Variants in SULF1 observed in about 807,000 individuals in gnomAD.
SULF1 encodes the protein sulfatase 1.
A neutral mutation model predicts 110.5 loss-of-function variants in SULF1; 46 were observed. The observed-to-expected ratio is 0.42, with a 90% CI of 0.33 to 0.53. The LOEUF is 0.53. Among genes scored for constraint, SULF1 ranks in the 20% least tolerant of loss-of-function variants. SULF1 has a pLI of 0.12. For synonymous variants in SULF1, 371 were observed against 387.1 expected, an observed-to-expected ratio of 0.96 and a Z score of 0.49; for missense variants, 941 against 1,094.2, an observed-to-expected ratio of 0.86 and a Z score of 1.98.
intron 3 of SULF1, among the ~76,000 whole-genome samples, chr8:69,534,688 CA>C (rs879767274): frequency 6.6e-6 from 1 of 152,028 alleles, no homozygotes; most frequent in African/African-American, 2.4e-5. Context: ...TTTATTCCAC[CA>C]CTTTTTTTGA....
intron 19 of SULF1, among the ~76,000 whole-genome samples, chr8:69,636,158 C>A (rs904099798): frequency 6.6e-6 from 1 of 152,152 alleles, no homozygotes. Context: ...GGCTCAAACA[C>A]ATCTTTCTCA....
chr8:69,592,982 G>A (rs974189314), intron 8 of SULF1: 1 of 986,982 alleles, frequency 1.0e-6, no homozygotes, highest in African/African-American at 1.7e-5. Flanking sequence ...TATGTGCTAT[G>A]GGTAAGTGCC....
chr8:69,642,020 C>T (rs187131987), intron 22 of SULF1, among the ~76,000 whole-genome samples: 265 of 152,242 alleles, frequency 1.7e-3, no homozygotes, highest in African/African-American at 6.3e-3. Context: ...GTCCTTACCG[C>T]CTCTGCTGAG....
At chr8:69,470,775 G>A (rs950141836) in intron 1 of SULF1, among the ~76,000 whole-genome samples, 1 of 152,098 alleles carries the variant, frequency 6.6e-6, no homozygotes, top group African/African-American at 2.4e-5. Flanking sequence ...CTAATGTGCT[G>A]GCCTTCTATT....
At chr8:69,480,101 A>C (rs1809455674) in intron 1 of SULF1, among the ~76,000 whole-genome samples, 1 of 152,194 alleles carries the variant, frequency 6.6e-6, no homozygotes. Context: ...GCAAACATGC[A>C]GCTTTATCAT....
rs1239416948 is a variant in SULF1 at position 69,603,635 on chromosome 8, A to T, written c.1226A>T (p.Asp409Val). The T allele has an allele frequency of 1.9e-6, 3 of 1,613,562 alleles. No individual in the cohort carries two copies. Among genetic ancestry groups the T allele is most frequent in the Non-Finnish European group, 1.7e-6 (2 of 1,179,440 alleles). Residue 409 changes from aspartate to valine, a missense_variant, in exon 12 of 23, where the codon GAT (aspartate) becomes GTT (valine). Transcript: ENST00000402687. The part of the protein sequence containing the change: ...RTNKKAKIWR[D>V]TFLVERGKFL... ...AACAAGAAGGCCAAAATTTGGCGTGATACATTCCTAGTGGAAAGAGGGTAA... is the reference window on the plus strand; with the variant it reads ...AACAAGAAGGCCAAAATTTGGCGTGTTACATTCCTAGTGGAAAGAGGGTAA...
Position 69,480,169 on chromosome 8 carries a change from C to T in SULF1, c.-391+13219C>T, listed in dbSNP as rs143550248. On this transcript the variant is annotated intron_variant, in intron 1 of 22. Coordinates refer to the SULF1 transcript ENST00000260128. ...ATACACTTAAAGAACACACTATCCA[C>T]TGTTGATGATGACAATATTAACCAT... Among the ~76,000 whole-genome samples the T allele has an allele frequency of 4.8e-3, 734 of 152,316 alleles. 6 individuals are homozygous for T. The highest frequency in any genetic ancestry group is 0.016 in the African/African-American group (672 of 41,562).
At chr8:69,546,586 A>G (rs1167108660) in intron 3 of SULF1, among the ~76,000 whole-genome samples, 1 of 152,240 alleles carries the variant, frequency 6.6e-6, no homozygotes, top group African/African-American at 2.4e-5. Flanking sequence ...TAATCAATCT[A>G]ACTTCCTAAT....
chr8:69,653,948 C>G (rs1812535944), intron 22 of SULF1, among the ~76,000 whole-genome samples: 1 of 152,192 alleles, frequency 6.6e-6, no homozygotes, highest in African/African-American at 2.4e-5. Flanking sequence ...TGGCACATTC[C>G]TAGAATTGCA....
intron 13 of SULF1, among the ~76,000 whole-genome samples, chr8:69,609,374 TA>T (rs2130457525): frequency 6.6e-6 from 1 of 151,596 alleles, no homozygotes; most frequent in South Asian, 2.1e-4. Context: ...TAACAGAAAA[TA>T]AAAAATAAAC....
At position 69,645,821 on chromosome 8, in the gene SULF1, G is replaced by A. The variant is rs140907169; in HGVS notation, c.2585+4980G>A. Among the ~76,000 whole-genome samples the A allele has an allele frequency of 6.2e-3, 937 of 152,292 alleles. 7 individuals are homozygous for A. The highest frequency in any genetic ancestry group is 0.021 in the African/African-American group (885 of 41,558). ...TATTTTATGGAGTGTGTTATATGGAGAATGATGATATGATGTATCTTCCAA... is the reference window on the plus strand; with the variant it reads ...TATTTTATGGAGTGTGTTATATGGAAAATGATGATATGATGTATCTTCCAA... On this transcript the variant is annotated intron_variant, in intron 22 of 22. Coordinates refer to ENST00000402687, the MANE Select transcript of SULF1 (RefSeq NM_001128205.2).
chr8:69,640,601 T>C (rs1438822452), intron 21 of SULF1, among the ~76,000 whole-genome samples: 1 of 152,204 alleles, frequency 6.6e-6, no homozygotes, highest in African/African-American at 2.4e-5. Context: ...ACTCTTATTT[T>C]TTTTTTTATC....
chr8:69,514,920 C>T (rs568173069), intron 3 of SULF1, among the ~76,000 whole-genome samples: 26 of 152,296 alleles, frequency 1.7e-4, no homozygotes, highest in African/African-American at 6.0e-4. Flanking sequence ...GCAGTGGGCT[C>T]CCAAGGCTTT....
At chr8:69,496,479 A>T (rs2150563387) in intron 2 of SULF1, among the ~76,000 whole-genome samples, 1 of 152,370 alleles carries the variant, frequency 6.6e-6, no homozygotes, top group East Asian at 1.9e-4. Context: ...CCATAAAAAA[A>T]GAAGTGTCCC....
intron 3 of SULF1, among the ~76,000 whole-genome samples, chr8:69,540,819 G>A (rs1413226208): frequency 6.6e-6 from 1 of 152,132 alleles, no homozygotes; most frequent in African/African-American, 2.4e-5. Flanking sequence ...TGGAGCAAAT[G>A]TACTCTTTGT....
intron 22 of SULF1, among the ~76,000 whole-genome samples, chr8:69,645,710 A>G (rs534917075): frequency 6.6e-6 from 1 of 151,094 alleles, no homozygotes; most frequent in South Asian, 2.1e-4. Context: ...ACCAGAAGGC[A>G]AGACTCGTGT....
At chr8:69,538,190 A>C (rs911271132) in intron 3 of SULF1, among the ~76,000 whole-genome samples, 6 of 149,846 alleles carry the variant, frequency 4.0e-5, no homozygotes, top group Admixed American at 2.0e-4. Flanking sequence ...AAATACTTTT[A>C]TACTTTTTTA....
intron 1 of SULF1, among the ~76,000 whole-genome samples, chr8:69,485,454 G>A (rs577439039): frequency 3.8e-4 from 58 of 152,296 alleles, no homozygotes; most frequent in South Asian, 1.0e-3. Context: ...GCAATTCCTC[G>A]TAGGCGCTGC....
At chr8:69,630,963 C>A (rs140536861) in intron 19 of SULF1, among the ~76,000 whole-genome samples, 2 of 147,194 alleles carry the variant, frequency 1.4e-5, no homozygotes, top group Non-Finnish European at 3.1e-5. Flanking sequence ...TGCTATCCCT[C>A]CCCCCTGCCC....
Sources: gnomAD v4.1 joint callset for allele counts (sites outside exome capture counted in the v4.1 genomes callset) on GRCh38, gnomAD v4.1.1 for gene constraint, MANE v1.5 for transcripts, NCBI Gene and HGNC (gene_info 2026-07-23, HGNC 2026-07-21) for gene names.